NINL: variants seen among roughly 807,000 people sequenced by gnomAD.
NINL encodes ninein-like protein.
Under a neutral mutation model 160.3 loss-of-function variants are expected in NINL, and 153 were observed. The observed-to-expected ratio is 0.95, with a 90% CI of 0.84 to 1.09. NINL has a LOEUF of 1.09. Among genes scored for constraint, NINL ranks in the 50% least tolerant of loss-of-function variants. The pLI is 0.00. For missense variants in NINL, 1,829 were observed against 1,764.0 expected (o/e 1.04, Z -0.66); for synonymous variants, 800 against 734.8 (o/e 1.09, Z -1.43).
At position 25,481,971 on chromosome 20, in the gene NINL, C is replaced by T. The variant is rs1162630243; in HGVS notation, c.1807G>A (p.Ala603Thr). The change falls in exon 14 of 24, where the codon GCA (alanine) becomes ACA (threonine). Residue 603 changes from alanine to threonine, a missense_variant. Transcript: ENST00000278886. Reference sequence around the variant, plus strand: ...CCTCCCAGGGACGGGCTCCTACCTGCTGGGCCGAGTCCAGGGAGCTGCCGT... The same window carrying T: ...CCTCCCAGGGACGGGCTCCTACCTGTTGGGCCGAGTCCAGGGAGCTGCCGT... ...RRRQLPGLGP[A>T]GISFLGNSAP... is the part of the protein sequence containing the mutation. 3 of 1,596,876 alleles carry T rather than the reference C, an allele frequency of 1.9e-6. No homozygotes were observed. The highest frequency in any genetic ancestry group is 1.7e-5 in the Admixed American group (1 of 59,940).
intron 5 of NINL, among the ~76,000 whole-genome samples, chr20:25,509,513 G>A (rs537802827): frequency 7.2e-5 from 11 of 152,282 alleles, no homozygotes; most frequent in African/African-American, 1.9e-4. Flanking sequence ...TCCCAAGCTC[G>A]GCAAGACCTC....
rs570320643 is a variant in NINL at position 25,541,051 on chromosome 20, A to G, written c.-11-14453T>C. Among the ~76,000 whole-genome samples, 7 of 152,214 alleles carry G rather than the reference A, an allele frequency of 4.6e-5. No individual in the cohort carries two copies. The South Asian group carries it at 1.5e-3, about 32-fold the overall frequency. ...AATACTTACTTTCCCTACAAAGTAG[A>G]TTTTTAGACTAAAAACTACAAAGAT... On this transcript the variant is annotated intron_variant, in intron 1 of 23. Coordinates refer to ENST00000278886, the MANE Select transcript of NINL (RefSeq NM_025176.6).
chr20:25,542,813 T>C (rs1336579221), intron 1 of NINL, among the ~76,000 whole-genome samples: 2 of 144,566 alleles, frequency 1.4e-5, no homozygotes, highest in Non-Finnish European at 3.0e-5. Context: ...GGCGGATCAT[T>C]TGAGGTCATG....
chr20:25,501,542 G>A (rs2063868014), intron 7 of NINL, among the ~76,000 whole-genome samples: 1 of 152,158 alleles, frequency 6.6e-6, no homozygotes, highest in Non-Finnish European at 1.5e-5. Context: ...CCACTCATGG[G>A]GTTCGACAAT....
At chr20:25,473,396 G>A (rs895027121) in intron 17 of NINL, among the ~76,000 whole-genome samples, 4 of 151,076 alleles carry the variant, frequency 2.6e-5, no homozygotes, top group African/African-American at 4.9e-5. Flanking sequence ...CAGAAGGATC[G>A]CTTGAGGCCA....
At chr20:25,579,580 C>G (rs922986689) in intron 1 of NINL, among the ~76,000 whole-genome samples, 3 of 152,186 alleles carry the variant, frequency 2.0e-5, no homozygotes, top group African/African-American at 7.2e-5. Flanking sequence ...CCACGCCACC[C>G]TGCCTCTGGA....
At chr20:25,481,936 G>A (rs2063397030) in intron 14 of NINL, 32 bp downstream of exon 14, 1 of 1,587,608 alleles carries the variant, frequency 6.3e-7, no homozygotes, top group Non-Finnish European at 8.5e-7. Context: ...AGCAGGCCTT[G>A]GGTCAGCCCC....
chr20:25,575,446 CAA>C (rs1167252309), intron 1 of NINL, among the ~76,000 whole-genome samples: 8 of 43,746 alleles, frequency 1.8e-4, no homozygotes, highest in Non-Finnish European at 9.5e-5. Flanking sequence ...GACTCCGTCT[CAA>C]AAAAAAAAAA....
chr20:25,582,324 C>A (rs1217099558), intron 1 of NINL, among the ~76,000 whole-genome samples: 3 of 152,060 alleles, frequency 2.0e-5, no homozygotes, highest in Non-Finnish European at 4.4e-5. Flanking sequence ...CTATAAAGTG[C>A]TTTCTTTCCA....
chr20:25,561,712 CG>C (rs1260057437), intron 1 of NINL, among the ~76,000 whole-genome samples: 1 of 151,326 alleles, frequency 6.6e-6, no homozygotes, highest in Non-Finnish European at 1.5e-5. Flanking sequence ...AGGAGCGCCT[CG>C]GCCCGGCCGC....
chr20:25,480,815 G>A (rs893539162), intron 14 of NINL, among the ~76,000 whole-genome samples: 3 of 152,316 alleles, frequency 2.0e-5, no homozygotes, highest in African/African-American at 7.2e-5. Context: ...GGGCAGGGAG[G>A]TGTGACAGCC....
intron 1 of NINL, among the ~76,000 whole-genome samples, chr20:25,569,711 C>A (rs2065033193): frequency 6.6e-6 from 1 of 152,192 alleles, no homozygotes; most frequent in Non-Finnish European, 1.5e-5. Context: ...GAAGGCATGG[C>A]CTGGTGTGGA....
At chr20:25,583,980 C>A (rs1359105850) in intron 1 of NINL, among the ~76,000 whole-genome samples, 1 of 151,196 alleles carries the variant, frequency 6.6e-6, no homozygotes, top group African/African-American at 2.4e-5. Flanking sequence ...CGGGACCTGT[C>A]GGGGCGGGTG....
At chr20:25,535,409 G>A (rs1234348652) in intron 1 of NINL, among the ~76,000 whole-genome samples, 1 of 152,164 alleles carries the variant, frequency 6.6e-6, no homozygotes, top group Non-Finnish European at 1.5e-5. Context: ...GATCTTAAAT[G>A]TCACCACAAA....
chr20:25,503,655 T>C lies in NINL; in HGVS notation c.861+297A>G, dbSNP rs1369264349. 2.0e-5 allele frequency among the ~76,000 whole-genome samples: 3 copies of C among 151,974 alleles called. No individual in the cohort carries two copies. The East Asian group carries it at 5.8e-4, about 29-fold the overall frequency. On this transcript the variant is annotated intron_variant, in intron 7 of 23. Transcript: ENST00000278886. Reference sequence around the variant, plus strand: ...CTCAGCTGAGCATTGCCTTCTGTAGTCCCAGGAGGTGTGCACCCGAACCAC... The same window carrying C: ...CTCAGCTGAGCATTGCCTTCTGTAGCCCCAGGAGGTGTGCACCCGAACCAC...
intron 2 of NINL, among the ~76,000 whole-genome samples, chr20:25,525,014 G>A (rs926566127): frequency 2.6e-5 from 4 of 151,760 alleles, no homozygotes; most frequent in Non-Finnish European, 4.4e-5. Context: ...TCATAAATGT[G>A]CCTTTTGCTC....
intron 1 of NINL, among the ~76,000 whole-genome samples, chr20:25,528,992 G>A (rs1053026086): frequency 3.9e-5 from 6 of 152,288 alleles, no homozygotes; most frequent in Non-Finnish European, 7.3e-5. Flanking sequence ...TCCACACAGG[G>A]TACGGAAGTT....
At chr20:25,472,324 GATATATAT>G (rs56260321) in intron 17 of NINL, among the ~76,000 whole-genome samples, 2,201 of 83,894 alleles carry the variant, frequency 0.026, 39 homozygotes, top group African/African-American at 0.036. Context: ...GGGAGGAGAG[GATATATAT>G]ATATATATAT....
chr20:25,503,536 T>C (rs373417917), intron 7 of NINL, among the ~76,000 whole-genome samples: 37 of 94,050 alleles, frequency 3.9e-4, no homozygotes, highest in South Asian at 3.7e-4. Flanking sequence ...AGCACTGCCT[T>C]CTGTAGCCCC....
Sources: gnomAD v4.1 joint callset for allele counts (sites outside exome capture counted in the v4.1 genomes callset) on GRCh38, gnomAD v4.1.1 for gene constraint, MANE v1.5 for transcripts, NCBI Gene and HGNC (gene_info 2026-07-23, HGNC 2026-07-21) for gene names.